The following RACGAP1 variants were observed in gnomAD, a reference collection of about 807,000 sequenced individuals.
The protein encoded by RACGAP1 is Rac GTPase activating protein 1.
In RACGAP1, 30 loss-of-function variants were observed where a neutral mutation model predicts 78.1. The observed-to-expected ratio is 0.38, with a 90% CI of 0.29 to 0.52. RACGAP1 has a LOEUF of 0.52. Among genes scored for constraint, RACGAP1 ranks in the 20% least tolerant of loss-of-function variants. The pLI, the probability that RACGAP1 is intolerant of heterozygous loss-of-function variation, is 0.82. For missense variants in RACGAP1, 587 were observed against 777.1 expected, an observed-to-expected ratio of 0.76 and a Z score of 2.91; for synonymous variants, 231 against 264.8, an observed-to-expected ratio of 0.87 and a Z score of 1.24.
At chr12:49,995,539 C>T (rs945011768) in intron 10 of RACGAP1, among the ~76,000 whole-genome samples, 4 of 151,532 alleles carry the variant, frequency 2.6e-5, no homozygotes, top group Non-Finnish European at 5.9e-5. Flanking sequence ...ATTCCCCAGG[C>T]TGGAGTGCAG....
At chr12:50,002,925 G>A (rs1206871923) in intron 5 of RACGAP1, among the ~76,000 whole-genome samples, 2 of 151,838 alleles carry the variant, frequency 1.3e-5, no homozygotes, top group Non-Finnish European at 2.9e-5. Flanking sequence ...TCTGGAGGCT[G>A]AGGCAGGAGA....
chr12:50,003,185 G>A (rs149233219), intron 5 of RACGAP1, among the ~76,000 whole-genome samples: 1 of 152,118 alleles, frequency 6.6e-6, no homozygotes, highest in African/African-American at 2.4e-5. Flanking sequence ...CCTTACTCCT[G>A]ATCATCCCTG....
At chr12:50,005,803 A>G (rs1344306315) in intron 3 of RACGAP1, among the ~76,000 whole-genome samples, 1 of 152,226 alleles carries the variant, frequency 6.6e-6, no homozygotes, top group Non-Finnish European at 1.5e-5. Context: ...ATGGATACAA[A>G]GCTATAATGC....
chr12:50,015,766 C>T (rs1487085866), intron 2 of RACGAP1, among the ~76,000 whole-genome samples: 3 of 151,322 alleles, frequency 2.0e-5, no homozygotes, highest in African/African-American at 7.3e-5. Flanking sequence ...CGCACCACTG[C>T]ACTCCAGCCT....
At chr12:50,001,105 G>T in intron 7 of RACGAP1, 67 bp downstream of exon 7, 1 of 1,249,556 alleles carries the variant, frequency 8.0e-7, no homozygotes, top group Non-Finnish European at 1.2e-6. Flanking sequence ...ATGCTGCAAT[G>T]CTGACTCAGA....
intron 2 of RACGAP1, among the ~76,000 whole-genome samples, chr12:50,011,153 A>G (rs1474968273): frequency 6.6e-6 from 1 of 151,760 alleles, no homozygotes; most frequent in Non-Finnish European, 1.5e-5. Flanking sequence ...CCTGGCCAAC[A>G]TGGTGAAACA....
chr12:50,023,248 A>C (rs1950101069), intron 1 of RACGAP1, among the ~76,000 whole-genome samples: 1 of 152,194 alleles, frequency 6.6e-6, no homozygotes, highest in Non-Finnish European at 1.5e-5. Flanking sequence ...AAAACATTTT[A>C]TGGCTCTTAA....
At chr12:50,000,500 G>T (rs1948608316) in intron 7 of RACGAP1, among the ~76,000 whole-genome samples, 1 of 152,074 alleles carries the variant, frequency 6.6e-6, no homozygotes, top group African/African-American at 2.4e-5. Context: ...GGGTGCAGTG[G>T]CTCATGCCTG....
intron 3 of RACGAP1, 129 bp from the exon 4 acceptor site, chr12:50,005,521 C>T: frequency 1.0e-6 from 1 of 997,978 alleles, no homozygotes; most frequent in Non-Finnish European, 1.5e-6. Context: ...AGGAAGGCTG[C>T]TACACCAATA....
At chr12:50,021,129 C>T in intron 1 of RACGAP1, 1 of 982,662 alleles carries the variant, frequency 1.0e-6, no homozygotes, top group South Asian at 4.7e-5. Context: ...CTCATGAATA[C>T]TTGTTTATTT....
chr12:50,008,261 C>A (rs938168903), intron 2 of RACGAP1, among the ~76,000 whole-genome samples: 1 of 149,754 alleles, frequency 6.7e-6, no homozygotes, highest in Non-Finnish European at 1.5e-5. Context: ...TGCAATGGCG[C>A]AATCTTGGCT....
intron 1 of RACGAP1, among the ~76,000 whole-genome samples, chr12:50,018,809 A>G (rs1949828483): frequency 6.6e-6 from 1 of 151,890 alleles, no homozygotes; most frequent in African/African-American, 2.4e-5. Flanking sequence ...TTTAAGTCTT[A>G]AATTACAATA....
In RACGAP1 at chr12:49,999,703, C is replaced by G. The variant is rs1948533271; in HGVS notation, c.661G>C (p.Val221Leu). 1.2e-6 allele frequency: 2 copies of G among 1,614,070 alleles called. No individual in the cohort carries two copies. The highest frequency in any genetic ancestry group is 1.7e-6 in the Non-Finnish European group (2 of 1,180,028). Residue 221 changes from valine to leucine, a missense_variant, in exon 8 of 17, where the codon GTG becomes CTG. Transcript: ENST00000312377. ...GGCCCGCCATCATTGGGAACAGTCA[C>G]TGTAGTTTTTGCAACTATGGATTCA... is the stretch of plus-strand genomic sequence containing the variant. ...GNESIVAKTT[V>L]TVPNDGGPIE... is the part of the protein sequence containing the mutation.
intron 1 of RACGAP1, 100 bp from the exon 2 acceptor site, chr12:50,016,819 C>G: frequency 7.1e-7 from 1 of 1,402,722 alleles, no homozygotes; most frequent in Non-Finnish European, 9.6e-7. Flanking sequence ...CTGGACTCTT[C>G]CATTTATAAC....
intron 2 of RACGAP1, among the ~76,000 whole-genome samples, chr12:50,012,767 T>C (rs566751612): frequency 6.9e-6 from 1 of 144,934 alleles, no homozygotes; most frequent in Non-Finnish European, 1.5e-5. Flanking sequence ...TCAAAAAAAA[T>C]AAAAAATAAA....
chr12:50,025,887 T>C (rs1950255277), upstream of RACGAP1, among the ~76,000 whole-genome samples: 1 of 152,196 alleles, frequency 6.6e-6, no homozygotes, highest in Non-Finnish European at 1.5e-5. Context: ...CTGAGCTATA[T>C]TATCCCTTCC....
At chr12:50,023,991 C>A (rs1592241021) in intron 1 of RACGAP1, among the ~76,000 whole-genome samples, 1 of 151,782 alleles carries the variant, frequency 6.6e-6, no homozygotes, top group Non-Finnish European at 1.5e-5. Context: ...GAAACCCCGT[C>A]TCTACTAAAA....
intron 15 of RACGAP1, 85 bp downstream of exon 15, chr12:49,991,913 C>G (rs1947908001): frequency 1.9e-6 from 3 of 1,550,238 alleles, no homozygotes; most frequent in Non-Finnish European, 2.6e-6. Context: ...AATTTTCAAA[C>G]AGCTCTAGCA....
intron 9 of RACGAP1, among the ~76,000 whole-genome samples, chr12:49,998,361 AC>A (rs1444032301): frequency 4.0e-5 from 6 of 151,860 alleles, no homozygotes; most frequent in Admixed American, 3.9e-4. Context: ...CCGAAATCGC[AC>A]CACTGCACTC....
Sources: allele counts gnomAD v4.1 joint callset (sites outside exome capture counted in the v4.1 genomes callset), GRCh38; gene constraint gnomAD v4.1.1; transcripts MANE v1.5; gene names NCBI Gene and HGNC (gene_info 2026-07-23, HGNC 2026-07-21).